The following LHFPL3 variants were observed in gnomAD, a reference collection of about 807,000 sequenced individuals.
LHFPL3 encodes the protein LHFPL tetraspan subfamily member 3, also known as LHFPL tetraspan subfamily member 3 protein.
A neutral mutation model predicts 19.3 loss-of-function variants in LHFPL3; 5 were observed. The ratio of observed to expected loss-of-function variants is 0.26; its 90% CI spans 0.14 to 0.54. The LOEUF (loss-of-function observed/expected upper bound fraction) is 0.54, where lower values mean the gene tolerates loss of function less well. Among genes scored for constraint, LHFPL3 ranks in the 20% least tolerant of loss-of-function variants. The pLI, the probability that LHFPL3 is intolerant of heterozygous loss-of-function variation, is 0.94. For missense variants in LHFPL3, 249 were observed against 307.4 expected, an observed-to-expected ratio of 0.81 and a Z score of 1.42; for synonymous variants, 133 against 126.2, an observed-to-expected ratio of 1.05 and a Z score of -0.36.
intron 1 of LHFPL3, among the ~76,000 whole-genome samples, chr7:104,467,274 A>G (rs1464799967): frequency 2.6e-5 from 4 of 152,218 alleles, no homozygotes; most frequent in African/African-American, 9.6e-5. Flanking sequence ...AAGAGAAGAC[A>G]GTAGGCAGTC....
chr7:104,667,815 G>A (rs897384517), intron 1 of LHFPL3: 6 of 1,607,408 alleles, frequency 3.7e-6, no homozygotes, highest in Non-Finnish European at 5.1e-6. Flanking sequence ...CTTTCTGGCT[G>A]AGGATGGGGG....
intron 2 of LHFPL3, among the ~76,000 whole-genome samples, chr7:104,778,392 T>C (rs998706784): frequency 2.0e-5 from 3 of 152,210 alleles, no homozygotes; most frequent in African/African-American, 7.2e-5. Context: ...GTTCAGATCC[T>C]GTGCCTAGTG....
chr7:104,830,065 A>G (rs891609590), intron 2 of LHFPL3, among the ~76,000 whole-genome samples: 28 of 151,946 alleles, frequency 1.8e-4, no homozygotes, highest in African/African-American at 5.6e-4. Flanking sequence ...TTTGATTTGC[A>G]TTTCTCTGAT....
At chr7:104,820,801 T>C (rs568760803) in intron 2 of LHFPL3, among the ~76,000 whole-genome samples, 1 of 152,232 alleles carries the variant, frequency 6.6e-6, no homozygotes, top group African/African-American at 2.4e-5. Context: ...CTATATCCTC[T>C]GCAGAGGAGG....
intron 1 of LHFPL3, among the ~76,000 whole-genome samples, chr7:104,351,161 C>G (rs1790167294): frequency 6.6e-6 from 1 of 151,954 alleles, no homozygotes; most frequent in Non-Finnish European, 1.5e-5. Context: ...GCAGAGGCCC[C>G]AAAGCAGAGA....
chr7:104,381,182 A>T (rs930278947), intron 1 of LHFPL3, among the ~76,000 whole-genome samples: 2 of 152,192 alleles, frequency 1.3e-5, no homozygotes, highest in East Asian at 1.9e-4. Context: ...AATGTATTCA[A>T]TGAGGACTGT....
At chr7:104,381,926 G>A (rs1421240009) in intron 1 of LHFPL3, among the ~76,000 whole-genome samples, 2 of 152,168 alleles carry the variant, frequency 1.3e-5, no homozygotes, top group Non-Finnish European at 2.9e-5. Flanking sequence ...CCAAATATTA[G>A]CATAGAAATG....
chr7:104,802,491 CAAAAAAA>C (rs920866759), intron 2 of LHFPL3, among the ~76,000 whole-genome samples: 42 of 65,514 alleles, frequency 6.4e-4, no homozygotes, highest in East Asian at 1.8e-3. Context: ...AACCCTATCT[CAAAAAAA>C]AAAAAAAAAA....
At chr7:104,406,922 T>C (rs1480752958) in intron 1 of LHFPL3, among the ~76,000 whole-genome samples, 3 of 152,240 alleles carry the variant, frequency 2.0e-5, no homozygotes, top group African/African-American at 7.2e-5. Flanking sequence ...CTTATCTCTT[T>C]GGTCATGAGC....
At chr7:104,429,431 C>T (rs1791910270) in intron 1 of LHFPL3, among the ~76,000 whole-genome samples, 1 of 151,090 alleles carries the variant, frequency 6.6e-6, no homozygotes, top group Admixed American at 6.6e-5. Context: ...TCTCAGCCTC[C>T]CAAGTAGCTG....
intron 2 of LHFPL3, among the ~76,000 whole-genome samples, chr7:104,885,999 G>A (rs918791046): frequency 2.0e-5 from 3 of 151,846 alleles, no homozygotes; most frequent in Admixed American, 6.6e-5. Flanking sequence ...ATTCCTTCAG[G>A]GAAAGTGTCC....
chr7:104,611,023 T>G (rs2115748392), intron 1 of LHFPL3, among the ~76,000 whole-genome samples: 1 of 152,306 alleles, frequency 6.6e-6, no homozygotes, highest in East Asian at 1.9e-4. Flanking sequence ...CTGGCAATTT[T>G]TAAATGCAGT....
Position 104,700,846 on chromosome 7 carries a change from C to T in LHFPL3, c.446-35829C>T, listed in dbSNP as rs180962365. 1.4e-3 allele frequency among the ~76,000 whole-genome samples: 211 copies of T among 152,128 alleles called. 1 individual carries two copies. The highest frequency in any genetic ancestry group is 4.8e-3 in the African/African-American group (198 of 41,496). On this transcript the variant is annotated intron_variant, in intron 1 of 2. Transcript: ENST00000424859. ...CATTGATCGCAGTATCTATTCTGTC[C>T]AATTGCTTTCTTTCCATAGAGCCCT...
rs1791272798 is a variant in LHFPL3 at position 104,614,589 on chromosome 7, C to CCTCT, written c.446-122086_446-122085insCTCT. Among the ~76,000 whole-genome samples, 17 of 63,924 alleles carry CCTCT rather than the reference C, an allele frequency of 2.7e-4. No homozygotes were observed. In the East Asian group the frequency reaches 3.6e-3, roughly 14 times the overall value. 41.9% of individuals were successfully genotyped at this position (63,924 alleles called of 152,430 possible). On this transcript the variant is annotated intron_variant, in intron 1 of 2. Coordinates refer to ENST00000424859, the MANE Select transcript of LHFPL3 (RefSeq NM_199000.3). ...TCCAAAGAGCCTCCTCTTCTCTTCT[C>CCTCT]TCTCTTCTCTTCTCTTCTCTTCTCT... is the stretch of plus-strand genomic sequence containing the variant.
chr7:104,543,335 C>T (rs1204176498), intron 1 of LHFPL3, among the ~76,000 whole-genome samples: 1 of 151,996 alleles, frequency 6.6e-6, no homozygotes, highest in Non-Finnish European at 1.5e-5. Context: ...ACTAGTTCAA[C>T]CATTGTGGAA....
chr7:104,667,861 T>A (rs1792386185), intron 1 of LHFPL3: 1 of 1,611,982 alleles, frequency 6.2e-7, no homozygotes, highest in African/African-American at 1.3e-5. Flanking sequence ...TCCAAACCAG[T>A]CAGCTGGGCT....
intron 1 of LHFPL3, among the ~76,000 whole-genome samples, chr7:104,427,853 C>G (rs1210439817): frequency 1.3e-5 from 2 of 152,222 alleles, no homozygotes; most frequent in Non-Finnish European, 2.9e-5. Flanking sequence ...CAAGCAATCA[C>G]AACTCAAAAC....
chr7:104,841,245 G>A (rs1791197533), intron 2 of LHFPL3, among the ~76,000 whole-genome samples: 1 of 152,156 alleles, frequency 6.6e-6, no homozygotes. Context: ...TGATCCCAGG[G>A]ATCATTTTCA....
intron 1 of LHFPL3, among the ~76,000 whole-genome samples, chr7:104,465,753 A>T (rs1023383718): frequency 6.6e-6 from 1 of 152,230 alleles, no homozygotes; most frequent in South Asian, 2.1e-4. Flanking sequence ...TGTGGGGATT[A>T]TAGGAACTAC....
Sources: gnomAD v4.1 joint callset for allele counts (sites outside exome capture counted in the v4.1 genomes callset) on GRCh38, gnomAD v4.1.1 for gene constraint, MANE v1.5 for transcripts, NCBI Gene and HGNC (gene_info 2026-07-23, HGNC 2026-07-21) for gene names.